MTBP: variants seen among roughly 807,000 people sequenced by gnomAD.
The protein encoded by MTBP is MDM2 binding protein, also known as mdm2-binding protein.
A neutral mutation model predicts 117.0 loss-of-function variants in MTBP; 101 were observed. The ratio of observed to expected loss-of-function variants is 0.86; its 90% CI spans 0.73 to 1.02. MTBP has a LOEUF of 1.02. Among genes scored for constraint, MTBP ranks in the 50% least tolerant of loss-of-function variants. The pLI, the probability that MTBP is intolerant of heterozygous loss-of-function variation, is 0.00. For synonymous variants in MTBP, 350 were observed against 351.5 expected (o/e 1.00, Z 0.05); for missense variants, 970 against 1,030.9 (o/e 0.94, Z 0.81).
At chr8:120,502,746 G>A in intron 15 of MTBP, 137 bp downstream of exon 15, 1 of 565,686 alleles carries the variant, frequency 1.8e-6, no homozygotes, top group Non-Finnish European at 3.0e-6. Context: ...ACTGTGAATA[G>A]ATAGTTAATC....
chr8:120,447,991 A>G (rs927116752), intron 2 of MTBP, among the ~76,000 whole-genome samples: 1 of 151,926 alleles, frequency 6.6e-6, no homozygotes, highest in Non-Finnish European at 1.5e-5. Flanking sequence ...CAGTGGCTCA[A>G]TCATGCTTCA....
chr8:120,506,370 G>T (rs1021277558), intron 15 of MTBP, among the ~76,000 whole-genome samples: 1 of 152,078 alleles, frequency 6.6e-6, no homozygotes, highest in Non-Finnish European at 1.5e-5. Context: ...AAGTTTTATA[G>T]AATTGGTAAC....
At chr8:120,467,362 C>A (rs1813720723) in intron 10 of MTBP, among the ~76,000 whole-genome samples, 1 of 152,140 alleles carries the variant, frequency 6.6e-6, no homozygotes, top group South Asian at 2.1e-4. Flanking sequence ...CGCCTGTAAT[C>A]CCACCACTTT....
intron 2 of MTBP, among the ~76,000 whole-genome samples, chr8:120,448,199 C>T (rs149535780): frequency 2.0e-5 from 3 of 152,162 alleles, no homozygotes; most frequent in Non-Finnish European, 2.9e-5. Flanking sequence ...CCCAAAGTGC[C>T]GGGATTACAG....
chr8:120,468,113 T>C (rs1372045045), intron 10 of MTBP, among the ~76,000 whole-genome samples: 1 of 152,176 alleles, frequency 6.6e-6, no homozygotes, highest in Non-Finnish European at 1.5e-5. Flanking sequence ...GAAAATTAGA[T>C]ATATTTTTTA....
intron 14 of MTBP, among the ~76,000 whole-genome samples, chr8:120,499,144 G>C (rs191086641): frequency 1.6e-4 from 24 of 152,186 alleles, no homozygotes; most frequent in Non-Finnish European, 2.4e-4. Flanking sequence ...ATGGTATCTG[G>C]CTTCATACTT....
chr8:120,522,583 T>C, intron 20 of MTBP, 71 bp from the exon 21 acceptor site: 1 of 1,027,214 alleles, frequency 9.7e-7, no homozygotes, highest in Non-Finnish European at 1.5e-6. Flanking sequence ...CTCAAGTGTA[T>C]TTAATAATAA....
chr8:120,490,401 G>T, intron 12 of MTBP, 62 bp from the exon 13 acceptor site: 1 of 990,734 alleles, frequency 1.0e-6, no homozygotes, highest in Non-Finnish European at 1.6e-6. Flanking sequence ...CCCAGGAACT[G>T]AGTACTAATT....
chr8:120,505,827 C>CT (rs1330401623), intron 15 of MTBP, among the ~76,000 whole-genome samples: 1 of 152,052 alleles, frequency 6.6e-6, no homozygotes, highest in Non-Finnish European at 1.5e-5. Context: ...GTATTTAAAA[C>CT]TTTCTGTGAG....
At chr8:120,503,614 C>T (rs1748965349) in intron 15 of MTBP, among the ~76,000 whole-genome samples, 1 of 152,108 alleles carries the variant, frequency 6.6e-6, no homozygotes, top group Admixed American at 6.5e-5. Flanking sequence ...ATTTTAAGTG[C>T]ATTGGTGGGA....
intron 11 of MTBP, among the ~76,000 whole-genome samples, chr8:120,475,414 T>C (rs1432168935): frequency 1.3e-5 from 2 of 152,002 alleles, no homozygotes; most frequent in African/African-American, 4.8e-5. Context: ...AGAAAGACTT[T>C]GAATGGACTC....
At chr8:120,481,968 A>T (rs1233436831) in intron 11 of MTBP, among the ~76,000 whole-genome samples, 1 of 152,114 alleles carries the variant, frequency 6.6e-6, no homozygotes, top group Non-Finnish European at 1.5e-5. Flanking sequence ...AGAATCATTT[A>T]GGTCCTTCAA....
chr8:120,515,146 A>G (rs1814894140), intron 17 of MTBP, among the ~76,000 whole-genome samples: 2 of 152,034 alleles, frequency 1.3e-5, no homozygotes, highest in African/African-American at 4.8e-5. Flanking sequence ...TCACAGAGAA[A>G]GGTTTTAATT....
chr8:120,477,245 A>G (rs1473100710), intron 11 of MTBP, among the ~76,000 whole-genome samples: 3 of 152,236 alleles, frequency 2.0e-5, no homozygotes, highest in African/African-American at 4.8e-5. Flanking sequence ...TTATACAAAA[A>G]TTAACTCAAG....
In MTBP at chr8:120,517,644, G is replaced by A. The variant is rs182141048; in HGVS notation, c.2247-207G>A. On this transcript the variant is annotated intron_variant, in intron 18 of 21. Transcript: ENST00000305949. Reference sequence around the variant, plus strand: ...TAACACTATAACATAGTGGTATAGTGTTATATATTATGTAATATATTATGT... The same window carrying A: ...TAACACTATAACATAGTGGTATAGTATTATATATTATGTAATATATTATGT... Among the ~76,000 whole-genome samples the A allele has an allele frequency of 5.4e-3, 811 of 151,472 alleles. 4 individuals carry two copies. Among genetic ancestry groups the A allele is most frequent in the Middle Eastern group, 0.014 (4 of 290 alleles).
chr8:120,516,142 C>T lies in MTBP; in HGVS notation c.2197C>T (p.Arg733Ter), dbSNP rs766483395. The T allele has an allele frequency of 8.1e-6, 13 of 1,612,200 alleles. No homozygotes were observed. Among genetic ancestry groups the T allele is most frequent in the African/African-American group, 6.7e-5 (5 of 74,806 alleles). Residue 733 changes from arginine to a stop codon, truncating the protein, a stop_gained, in exon 18 of 22, where the codon CGA becomes TGA. Coordinates refer to ENST00000305949, the MANE Select transcript of MTBP (RefSeq NM_022045.5). LOFTEE classifies it high-confidence loss of function. Reference protein sequence around the residue: ...LQNELRTEVSRLKRRSKDLNC... With the variant: ...LQNELRTEVS ...AAATGAACTTCGAACTGAAGTATCC[C>T]GATTGAAACGGAGATCTAAAGATCT... is the stretch of plus-strand genomic sequence containing the variant.
chr8:120,482,945 C>A lies in MTBP; in HGVS notation c.1166-5214C>A, dbSNP rs554965999. On this transcript the variant is annotated intron_variant, in intron 11 of 21. Coordinates refer to ENST00000305949, the MANE Select transcript of MTBP (RefSeq NM_022045.5). The stretch of plus-strand genomic sequence containing the variant: ...TGATCTCCTGACCTCGTGATCCATC[C>A]ACCTCAGCCTCCCAAAGTGCTGGGA... Among the ~76,000 whole-genome samples the A allele has an allele frequency of 1.5e-3, 229 of 151,732 alleles. 2 individuals are homozygous for A. Among genetic ancestry groups the A allele is most frequent in the African/African-American group, 5.2e-3 (214 of 41,366 alleles).
intron 11 of MTBP, among the ~76,000 whole-genome samples, chr8:120,479,508 A>G (rs921283140): frequency 4.6e-5 from 7 of 152,182 alleles, no homozygotes; most frequent in Non-Finnish European, 5.9e-5. Flanking sequence ...TTGACTACCA[A>G]CCTTTATTGT....
intron 11 of MTBP, chr8:120,474,053 G>T (rs1418214267): frequency 2.6e-5 from 4 of 151,854 alleles, no homozygotes; most frequent in Middle Eastern, 3.4e-3. Context: ...AGGCGTGGGG[G>T]TTTTTTTGGC....
Sources: allele counts gnomAD v4.1 joint callset (sites outside exome capture counted in the v4.1 genomes callset), GRCh38; gene constraint gnomAD v4.1.1; transcripts MANE v1.5; gene names NCBI Gene and HGNC (gene_info 2026-07-23, HGNC 2026-07-21).